RBBP4: variants seen among roughly 807,000 people sequenced by gnomAD.
RBBP4 encodes RB binding protein 4, chromatin remodeling factor.
RBBP4 carries 3 observed loss-of-function variants against 57.2 expected under a neutral mutation model. That is an observed-to-expected ratio of 0.05 (90% CI 0.02 to 0.14). The LOEUF is 0.14. Among genes scored for constraint, RBBP4 ranks in the 10% least tolerant of loss-of-function variants. The probability of loss-of-function intolerance (pLI) is 1.00; values close to 1 mark genes in which losing one functional copy is unlikely to be tolerated. For missense variants in RBBP4, 107 were observed against 520.6 expected (o/e 0.21, Z 7.73); for synonymous variants, 151 against 171.5 (o/e 0.88, Z 0.93).
chr1:32,653,688 C>T lies in RBBP4; in HGVS notation c.164+1627C>T, dbSNP rs139216948. ...TTTGTTTTTTTTTTTGAGACGGAGT[C>T]TCCTCTCTTGCCCAGGCTGGAGTGC... On this transcript the variant is annotated intron_variant, in intron 2 of 11. Coordinates refer to ENST00000373493, the MANE Select transcript of RBBP4 (RefSeq NM_005610.3). Among the ~76,000 whole-genome samples the T allele has an allele frequency of 1.5e-3, 168 of 108,972 alleles. 1 individual carries two copies. The highest frequency in any genetic ancestry group is 5.9e-3 in the African/African-American group (163 of 27,796). The allele number at this position is 108,972 out of a possible 152,430, so 71.5% of individuals were successfully genotyped here. A position where few individuals can be genotyped will look rare whatever the true frequency, so the allele number is the denominator to read the frequency against.
rs1468257739 is a variant in RBBP4, at chr1:32,684,342, C to G, written c.*4637C>G. On this transcript the variant is annotated 3_prime_UTR_variant, in exon 12 of 12. Coordinates refer to ENST00000373493, the MANE Select transcript of RBBP4 (RefSeq NM_005610.3). ...CTGTTGCTGGAGTTGCACCCCATTT[C>G]TTAACTGCCTCTGGCGTTCTTCCAT... 1 of 1,614,210 alleles carries G rather than the reference C, an allele frequency of 6.2e-7. No individual in the cohort carries two copies. Among genetic ancestry groups the G allele is most frequent in the Non-Finnish European group, 8.5e-7 (1 of 1,180,034 alleles).
chr1:32,684,599 G>A lies in RBBP4; in HGVS notation c.*4894G>A. ...AAAATGATGACGAAAAAGGCATCTT[G>A]TCTGTTAACCACAGCTTGCTTTAAT... On this transcript the variant is annotated 3_prime_UTR_variant, in exon 12 of 12. Transcript: ENST00000373493. 1.7e-6 allele frequency: 1 copy of A among 595,682 alleles called. No homozygotes were observed. The highest frequency in any genetic ancestry group is 2.8e-6 in the Non-Finnish European group (1 of 356,098). 36.9% of individuals were successfully genotyped at this position (595,682 alleles called of 1,614,324 possible). A position where few individuals can be genotyped will look rare whatever the true frequency, so the allele number is the denominator to read the frequency against.
rs1647557548 is a variant in RBBP4, at chr1:32,651,231, C to T, written c.-76C>T. 6 of 1,504,602 alleles carry T rather than the reference C, an allele frequency of 4.0e-6. No individual in the cohort carries two copies. Among genetic ancestry groups the T allele is most frequent in the Non-Finnish European group, 5.3e-6 (6 of 1,124,946 alleles). The allele number at this position is 1,504,602 out of a possible 1,614,324, so 93.2% of individuals were successfully genotyped here. A position where few individuals can be genotyped will look rare whatever the true frequency, so the allele number is the denominator to read the frequency against. On this transcript the variant is annotated 5_prime_UTR_variant, in exon 1 of 12. Coordinates refer to ENST00000373493, the MANE Select transcript of RBBP4 (RefSeq NM_005610.3). ...CAGGAAACAATAGAGGCCGCGCGCA[C>T]AGAGCGAGCTCTTGCAGCCTCCCCG...
chr1:32,667,041 A>G (rs566022710), intron 3 of RBBP4, among the ~76,000 whole-genome samples: 2 of 152,278 alleles, frequency 1.3e-5, no homozygotes, highest in South Asian at 4.1e-4. Flanking sequence ...GAAGGTACCC[A>G]TTACTTAGCA....
At chr1:32,666,530 T>C (rs889139766) in intron 3 of RBBP4, among the ~76,000 whole-genome samples, 5 of 152,108 alleles carry the variant, frequency 3.3e-5, no homozygotes, top group Non-Finnish European at 7.4e-5. Context: ...CTAATTTTTG[T>C]ATTTTTAGTA....
At chr1:32,651,820 A>T (rs567459567) in intron 1 of RBBP4, 94 bp from the exon 2 acceptor site, 1 of 1,363,748 alleles carries the variant, frequency 7.3e-7, no homozygotes, top group Non-Finnish European at 1.0e-6. Flanking sequence ...CCTCCATTTC[A>T]TGGTTAGGCT....
intron 3 of RBBP4, among the ~76,000 whole-genome samples, chr1:32,667,400 T>C (rs576323689): frequency 9.2e-5 from 14 of 152,320 alleles, no homozygotes; most frequent in African/African-American, 3.4e-4. Flanking sequence ...CCCATGATCA[T>C]GTGACTTGCT....
At chr1:32,662,141 C>T (rs1482022017) in intron 3 of RBBP4, 1 of 245,392 alleles carries the variant, frequency 4.1e-6, no homozygotes, top group African/African-American at 2.3e-5. Flanking sequence ...GCCTTGGCCT[C>T]CCAGAGTGCT....
chr1:32,651,630 G>T, intron 1 of RBBP4: 1 of 788,106 alleles, frequency 1.3e-6, no homozygotes, highest in Non-Finnish European at 1.9e-6. Flanking sequence ...ACAAGGCTCG[G>T]AGCTCGGGCC....
chr1:32,672,609 G>C (rs546390018), intron 9 of RBBP4, 33 bp from the exon 10 acceptor site: 5 of 1,609,944 alleles, frequency 3.1e-6, no homozygotes, highest in African/African-American at 2.7e-5. Flanking sequence ...GGGTAAATCT[G>C]TTTTAACTTT....
At chr1:32,660,983 T>C (rs938302440) in intron 3 of RBBP4, among the ~76,000 whole-genome samples, 1 of 150,878 alleles carries the variant, frequency 6.6e-6, no homozygotes, top group African/African-American at 2.4e-5. Context: ...CTGATTTCCA[T>C]TGTATTTTTT....
rs1649372870 is a variant in RBBP4, at chr1:32,680,571, G to A, written c.*866G>A. ...GTTTGATGCCATCTCCATTTTGGGTGACCTGTTTCACCAGCAGGCCTGTTA... is the reference window on the plus strand; with the variant it reads ...GTTTGATGCCATCTCCATTTTGGGTAACCTGTTTCACCAGCAGGCCTGTTA... On this transcript the variant is annotated 3_prime_UTR_variant, in exon 12 of 12. Coordinates refer to ENST00000373493, the MANE Select transcript of RBBP4 (RefSeq NM_005610.3). 6.6e-7 allele frequency: 1 copy of A among 1,520,350 alleles called. No homozygotes were observed. Among genetic ancestry groups the A allele is most frequent in the Admixed American group, 2.0e-5 (1 of 50,258 alleles). The allele number at this position is 1,520,350 out of a possible 1,614,324, so 94.2% of individuals were successfully genotyped here.
At position 32,683,684 on chromosome 1, in the gene RBBP4, A is replaced by G; in HGVS notation, c.*3979A>G. On this transcript the variant is annotated 3_prime_UTR_variant, in exon 12 of 12. Coordinates refer to ENST00000373493, the MANE Select transcript of RBBP4 (RefSeq NM_005610.3). ...AGTCTCACTCTGTTGTACAAGCTGG[A>G]GTGCTGTATTGTGATCTTGACTCAC... 1 of 214,356 alleles carries G rather than the reference A, an allele frequency of 4.7e-6. No homozygotes were observed. Among genetic ancestry groups the G allele is most frequent in the Non-Finnish European group, 9.4e-6 (1 of 106,888 alleles). 13.3% of individuals were successfully genotyped at this position (214,356 alleles called of 1,614,324 possible).
At chr1:32,665,232 T>A (rs930343994) in intron 3 of RBBP4, among the ~76,000 whole-genome samples, 1 of 152,200 alleles carries the variant, frequency 6.6e-6, no homozygotes, top group African/African-American at 2.4e-5. Context: ...TTTTTCTCCT[T>A]TAGAATCTAT....
Position 32,669,239 on chromosome 1 carries a change from C to T in RBBP4, c.770C>T (p.Thr257Ile). The T allele has an allele frequency of 1.9e-6, 3 of 1,611,198 alleles. No homozygotes were observed. Among genetic ancestry groups the T allele is most frequent in the Non-Finnish European group, 2.5e-6 (3 of 1,179,428 alleles). ...ADDQKLMIWD[T>I]RSNNTSKPSH... Reference sequence around the variant, plus strand: ...TTTTTTTTTCACTGAAGTTGGGATACTCGTTCAAACAATACTTCCAAACCA... The same window carrying T: ...TTTTTTTTTCACTGAAGTTGGGATATTCGTTCAAACAATACTTCCAAACCA... Residue 257 changes from threonine (T) to isoleucine (I), a missense_variant, in exon 7 of 12, where the codon ACT becomes ATT. Physicochemically the swap from Thr to Ile is moderately conservative, Grantham distance 89. Transcript: ENST00000373493. The surrounding 1 kb of genome is among the most constrained non-coding windows in gnomAD (Gnocchi z 4.9).
In RBBP4 at chr1:32,672,832, C is replaced by T. The variant is rs1322618196; in HGVS notation, c.1143C>T (p.Ser381=). 2 of 1,613,820 alleles carry T rather than the reference C, an allele frequency of 1.2e-6. No individual in the cohort carries two copies. Among genetic ancestry groups the T allele is most frequent in the Non-Finnish European group, 1.7e-6 (2 of 1,179,766 alleles). Residue 381 remains serine, a synonymous_variant, in exon 11 of 12, where the codon TCC becomes TCT. Transcript: ENST00000373493. ...ATACTGCCAAGATATCTGATTTCTC[C>T]TGGAATCCCAATGAACCTTGGGTGA... ...GGHTAKISDF[S]WNPNEPWVIC...
chr1:32,684,517 G>A lies in RBBP4; in HGVS notation c.*4812G>A. ...TATTGAGGCTGGTATTTATATGATAGGTTATGAAACAGGTTCAAAGAAGTT... is the reference window on the plus strand; with the variant it reads ...TATTGAGGCTGGTATTTATATGATAAGTTATGAAACAGGTTCAAAGAAGTT... On this transcript the variant is annotated 3_prime_UTR_variant, in exon 12 of 12. Coordinates refer to ENST00000373493, the MANE Select transcript of RBBP4 (RefSeq NM_005610.3). 2 of 1,310,426 alleles carry A rather than the reference G, an allele frequency of 1.5e-6. No individual in the cohort carries two copies. Among genetic ancestry groups the A allele is most frequent in the Non-Finnish European group, 2.1e-6 (2 of 965,424 alleles). 81.2% of individuals were successfully genotyped at this position (1,310,426 alleles called of 1,614,324 possible).
Position 32,657,417 on chromosome 1 carries a change from G to A in RBBP4, c.165-10G>A. ...CTAATTTGAACAGTGACTATATATT[G>A]CCGTTACAGACCAGAAGGGAAAGAT... On this transcript the variant is annotated splice_polypyrimidine_tract_variant and intron_variant, in intron 2 of 11. Coordinates refer to ENST00000373493, the MANE Select transcript of RBBP4 (RefSeq NM_005610.3). 6.2e-7 allele frequency: 1 copy of A among 1,610,570 alleles called. No homozygotes were observed. Among genetic ancestry groups the A allele is most frequent in the Non-Finnish European group, 8.5e-7 (1 of 1,178,524 alleles).
At chr1:32,667,306 C>T (rs1176182478) in intron 3 of RBBP4, among the ~76,000 whole-genome samples, 1 of 152,180 alleles carries the variant, frequency 6.6e-6, no homozygotes, top group Non-Finnish European at 1.5e-5. Flanking sequence ...GTCTTTGATC[C>T]TTCTGATAAG....
Sources: allele counts gnomAD v4.1 joint callset (sites outside exome capture counted in the v4.1 genomes callset), GRCh38; gene constraint gnomAD v4.1.1; non-coding constraint Gnocchi (gnomAD v3.1); transcripts MANE v1.5; gene names NCBI Gene and HGNC (gene_info 2026-07-23, HGNC 2026-07-21).